The following LIMA1 variants were observed in gnomAD, a reference collection of about 807,000 sequenced individuals.
LIMA1 encodes the protein LIM domain and actin binding 1.
LIMA1 carries 52 observed loss-of-function variants against 62.6 expected under a neutral mutation model. That is an observed-to-expected ratio of 0.83 (90% CI 0.67 to 1.05). The LOEUF (loss-of-function observed/expected upper bound fraction) is 1.05, where lower values mean the gene tolerates loss of function less well. Among genes scored for constraint, LIMA1 ranks in the 50% least tolerant of loss-of-function variants. The pLI is 0.00. For missense variants in LIMA1, 780 were observed against 902.2 expected, an observed-to-expected ratio of 0.86 and a Z score of 1.74; for synonymous variants, 302 against 317.8, an observed-to-expected ratio of 0.95 and a Z score of 0.53.
At chr12:50,200,987 TAAG>T in intron 6 of LIMA1, 103 bp from the exon 7 acceptor site, 1 of 1,495,106 alleles carries the variant, frequency 6.7e-7, no homozygotes, top group Non-Finnish European at 8.8e-7. Flanking sequence ...AAAATTCTTC[TAAG>T]AAGCCTCGGG....
chr12:50,196,187 C>T (rs1039385867), intron 7 of LIMA1: 1 of 289,242 alleles, frequency 3.5e-6, no homozygotes, highest in Non-Finnish European at 6.3e-6. Context: ...TATTTTTCTG[C>T]TCTCAAAAAA....
intron 10 of LIMA1, 50 bp from the exon 11 acceptor site, chr12:50,178,119 A>C (rs767157344): frequency 4.4e-5 from 60 of 1,354,440 alleles, no homozygotes; most frequent in Non-Finnish European, 5.6e-5. Context: ...TCACATTCTC[A>C]CTTATACCAG....
intron 4 of LIMA1, among the ~76,000 whole-genome samples, chr12:50,210,939 G>C (rs956214815): frequency 1.1e-4 from 16 of 152,334 alleles, no homozygotes; most frequent in African/African-American, 3.8e-4. Context: ...CAGCTGTGAG[G>C]TAAGATGGGT....
intron 3 of LIMA1, among the ~76,000 whole-genome samples, chr12:50,225,275 T>G (rs1251746556): frequency 2.6e-5 from 4 of 152,154 alleles, no homozygotes. Flanking sequence ...AAAAAAGTAA[T>G]AACTTATTGG....
chr12:50,259,247 C>CT (rs1942036154), intron 1 of LIMA1, among the ~76,000 whole-genome samples: 1 of 152,136 alleles, frequency 6.6e-6, no homozygotes, highest in Non-Finnish European at 1.5e-5. Context: ...GGCCCTTTTC[C>CT]AAACTGCCCT....
At chr12:50,255,047 C>CA (rs35730958) in intron 1 of LIMA1, among the ~76,000 whole-genome samples, 100,124 of 149,210 alleles carry the variant, frequency 0.67, 34,922 homozygotes, top group East Asian at 0.9. Context: ...AAAAACAAAA[C>CA]AAAAAAAAAC....
chr12:50,276,955 A>C (rs1942282629), intron 1 of LIMA1, among the ~76,000 whole-genome samples: 2 of 152,226 alleles, frequency 1.3e-5, no homozygotes. Flanking sequence ...CCACAGGACA[A>C]AAAATTAATA....
chr12:50,210,626 T>C (rs1361359522), intron 4 of LIMA1, among the ~76,000 whole-genome samples: 1 of 152,178 alleles, frequency 6.6e-6, no homozygotes, highest in Non-Finnish European at 1.5e-5. Context: ...ACTGCTGTTA[T>C]TGGGAGCATA....
At chr12:50,275,213 C>A (rs1006531481) in intron 1 of LIMA1, among the ~76,000 whole-genome samples, 95 of 150,850 alleles carry the variant, frequency 6.3e-4, no homozygotes, top group African/African-American at 2.2e-3. Context: ...AAAAAAAAAA[C>A]AAAATTAGCC....
intron 9 of LIMA1, chr12:50,185,547 A>G: frequency 2.2e-6 from 1 of 447,472 alleles, no homozygotes; most frequent in South Asian, 1.6e-5. Context: ...ACTCAGATCC[A>G]AGAATAAGAC....
At position 50,222,066 on chromosome 12, in the gene LIMA1, G is replaced by A; in HGVS notation, c.585C>T (p.Asn195=). Reference sequence around the variant, plus strand: ...CTTTCTCAAACATCATCTTAAGCCTGTTCAGCGGAACATTATATTTCTCTA... The same window carrying A: ...CTTTCTCAAACATCATCTTAAGCCTATTCAGCGGAACATTATATTTCTCTA... The part of the protein sequence containing the change: ...GKIEKYNVPL[N]RLKMMFEKGE... Residue 195 remains asparagine (N), a synonymous_variant, in exon 4 of 11, where the codon AAC becomes AAT. Transcript: ENST00000341247. 1 of 1,614,034 alleles carries A rather than the reference G, an allele frequency of 6.2e-7. No individual in the cohort carries two copies. Among genetic ancestry groups the A allele is most frequent in the African/African-American group, 1.3e-5 (1 of 74,972 alleles).
chr12:50,235,238 A>G (rs1483938579), intron 2 of LIMA1, among the ~76,000 whole-genome samples: 1 of 151,688 alleles, frequency 6.6e-6, no homozygotes, highest in African/African-American at 2.4e-5. Flanking sequence ...CCAGCCAAGA[A>G]AGAGTATTAC....
intron 4 of LIMA1, among the ~76,000 whole-genome samples, chr12:50,212,547 AT>A (rs1054126597): frequency 2.0e-5 from 3 of 152,134 alleles, no homozygotes; most frequent in Non-Finnish European, 4.4e-5. Context: ...ATTTCTCTAC[AT>A]TTTTTGTATT....
intron 8 of LIMA1, 169 bp downstream of exon 8, chr12:50,195,661 C>A: frequency 2.0e-6 from 1 of 490,628 alleles, no homozygotes; most frequent in Non-Finnish European, 3.4e-6. Context: ...AATTTAACTT[C>A]TCCTTAAGCC....
At chr12:50,252,579 CAA>C (rs397936373) in intron 1 of LIMA1, among the ~76,000 whole-genome samples, 38 of 59,008 alleles carry the variant, frequency 6.4e-4, no homozygotes, top group African/African-American at 2.3e-3. Flanking sequence ...GAAACTGTCT[CAA>C]AAAAAAAAAA....
chr12:50,274,742 G>T (rs929271704), intron 1 of LIMA1, among the ~76,000 whole-genome samples: 4 of 152,180 alleles, frequency 2.6e-5, no homozygotes, highest in Non-Finnish European at 5.9e-5. Flanking sequence ...TTTAGGCAGT[G>T]ATCAGGGAAG....
rs183013373 is a variant in LIMA1 at position 50,216,030 on chromosome 12, G to A, written c.630+5991C>T. 5.0e-3 allele frequency among the ~76,000 whole-genome samples: 594 copies of A among 117,984 alleles called. 8 individuals carry two copies. The highest frequency in any genetic ancestry group is 0.02 in the African/African-American group (551 of 27,686). The allele number at this position is 117,984 out of a possible 152,430, so 77.4% of individuals were successfully genotyped here. A position where few individuals can be genotyped will look rare whatever the true frequency, so the allele number is the denominator to read the frequency against. ...TGCACTCCAGCCTGGGCAACAGAGC[G>A]AGGCTGTCTCAAAAAAAAAAAAAGG... On this transcript the variant is annotated intron_variant, in intron 4 of 10. Coordinates refer to ENST00000341247, the MANE Select transcript of LIMA1 (RefSeq NM_016357.5).
chr12:50,177,571 G>A lies in LIMA1; in HGVS notation c.1773C>T (p.Phe591=). ...SSSLKERSRP[F]TVAASFQSTS... ...TGCTTTGAAATGAAGCTGCTACAGT[G>A]AATGGGCGGCTTCTTTCCTTCAGTG... The change falls in exon 11 of 11, where the codon TTC becomes TTT. Residue 591 remains phenylalanine (F), a synonymous_variant. Transcript: ENST00000341247. 6.2e-7 allele frequency: 1 copy of A among 1,611,876 alleles called. No homozygotes were observed. The highest frequency in any genetic ancestry group is 8.5e-7 in the Non-Finnish European group (1 of 1,179,138).
intron 2 of LIMA1, among the ~76,000 whole-genome samples, chr12:50,235,273 CTT>C (rs1036341264): frequency 1.0e-4 from 13 of 124,382 alleles, no homozygotes; most frequent in Admixed American, 2.5e-4. Flanking sequence ...AATCCTATCA[CTT>C]TTTTTTTTTT....
Sources: allele counts gnomAD v4.1 joint callset (sites outside exome capture counted in the v4.1 genomes callset), GRCh38; gene constraint gnomAD v4.1.1; transcripts MANE v1.5; gene names NCBI Gene and HGNC (gene_info 2026-07-23, HGNC 2026-07-21).